RP1L1: variants seen among roughly 807,000 people sequenced by gnomAD.
RP1L1 encodes the protein RP1 like 1.
RP1L1 carries 27 observed loss-of-function variants against 15.7 expected under a neutral mutation model. The ratio of observed to expected loss-of-function variants is 1.72; its 90% CI spans 1.27 to 2.38. The LOEUF (loss-of-function observed/expected upper bound fraction) is 2.38. RP1L1 is among the 30% of genes most tolerant of loss of function. The probability of loss-of-function intolerance (pLI) is 0.00; values close to 1 mark genes in which losing one functional copy is unlikely to be tolerated. For synonymous variants in RP1L1, 1,813 were observed against 1,276.7 expected (o/e 1.42, Z -8.96); for missense variants, 4,798 against 3,075.9 (o/e 1.56, Z -13.24).
chr8:10,612,997 A>AAGGG lies in RP1L1; in HGVS notation c.1100_1101insCCCT (p.Val368ProfsTer40). 6.2e-7 allele frequency: 1 copy of AAGGG among 1,613,160 alleles called. No homozygotes were observed. Among genetic ancestry groups the AAGGG allele is most frequent in the African/African-American group, 1.3e-5 (1 of 75,024 alleles). On this transcript the variant is annotated frameshift_variant, in exon 4 of 4. Coordinates refer to ENST00000382483, the MANE Select transcript of RP1L1 (RefSeq NM_178857.6). LOFTEE classifies it low-confidence loss of function (END_TRUNC). ...AGCCCCAAGGGTAGCCCTCCCACAC[A>AAGGG]CAGCAGAGGGGGTCTACCTCCCCCA...
At chr8:10,631,407 GCACACA>G (rs1263150417) in intron 1 of RP1L1, among the ~76,000 whole-genome samples, 3 of 121,026 alleles carry the variant, frequency 2.5e-5, no homozygotes, top group African/African-American at 6.1e-5. Context: ...GCACACACAC[GCACACA>G]CGCACACACA....
Position 10,610,104 on chromosome 8 carries a change from G to C in RP1L1, c.3994C>G (p.Gln1332Glu). ...LEETKTEEGL[Q>E]EEGVQLEETK... The stretch of plus-strand genomic sequence containing the variant: ...TCCTCTAACTGCACCCCCTCTTCTT[G>C]CAGCCCTTCTTCTGTTTTAGTTTCC... Residue 1332 changes from glutamine (Q) to glutamate (E), a missense_variant, in exon 4 of 4, where the codon CAA becomes GAA. Gln to Glu is a conservative substitution (Grantham distance 29, BLOSUM62 2). Transcript: ENST00000382483. The C allele has an allele frequency of 2.4e-5, 36 of 1,475,126 alleles. 5 individuals are homozygous for C. The highest frequency in any genetic ancestry group is 1.8e-4 in the Middle Eastern group (1 of 5,624). 91.4% of individuals were successfully genotyped at this position (1,475,126 alleles called of 1,614,324 possible).
At chr8:10,646,760 C>A (rs1396771155) in intron 1 of RP1L1, among the ~76,000 whole-genome samples, 1 of 152,190 alleles carries the variant, frequency 6.6e-6, no homozygotes, top group East Asian at 1.9e-4. Context: ...TGACTTTAGG[C>A]CACTGACTTA....
intron 1 of RP1L1, among the ~76,000 whole-genome samples, chr8:10,644,677 C>T (rs1180589958): frequency 3.3e-5 from 5 of 152,210 alleles, no homozygotes; most frequent in Non-Finnish European, 5.9e-5. Context: ...CTTTCCCTGA[C>T]GATGCTGTGA....
intron 1 of RP1L1, among the ~76,000 whole-genome samples, chr8:10,640,662 A>G (rs1055056442): frequency 1.3e-5 from 2 of 150,878 alleles, no homozygotes; most frequent in Admixed American, 6.6e-5. Flanking sequence ...CAAAATAATA[A>G]TAATAATTAT....
rs1380730524 is a variant in RP1L1 at position 10,612,200 on chromosome 8, G to A, written c.1898C>T (p.Ser633Leu). The change falls in exon 4 of 4, where the codon TCA (serine) becomes TTA (leucine). Residue 633 changes from serine to leucine, a missense_variant. Physicochemically the swap from Ser to Leu is moderately radical, Grantham distance 145. Coordinates refer to ENST00000382483, the MANE Select transcript of RP1L1 (RefSeq NM_178857.6). ...GTGCCTTCTCTGCCCCTGCTGGGATGAAGTGCAGGTGGAAGGGGTGGAAGA... is the reference window on the plus strand; with the variant it reads ...GTGCCTTCTCTGCCCCTGCTGGGATAAAGTGCAGGTGGAAGGGGTGGAAGA... ...GASSTPSTCT[S>L]SQQGQRRHRS... 2 of 1,613,238 alleles carry A rather than the reference G, an allele frequency of 1.2e-6. No homozygotes were observed. Among genetic ancestry groups the A allele is most frequent in the Non-Finnish European group, 1.7e-6 (2 of 1,180,020 alleles).
At position 10,623,097 on chromosome 8, in the gene RP1L1, C is replaced by T; in HGVS notation, c.105G>A (p.Lys35=). ...GATCCCCTCGCTTGAGGAAGGTGAT[C>T]TTCTTGGCTGGCGTGACCTTGGTGA... is the stretch of plus-strand genomic sequence containing the variant. ...PSVTKVTPAK[K]ITFLKRGDPR... is the part of the protein sequence containing the mutation. Residue 35 remains lysine (K), a synonymous_variant, in exon 2 of 4, where the codon AAG becomes AAA. Coordinates refer to ENST00000382483, the MANE Select transcript of RP1L1 (RefSeq NM_178857.6). The T allele has an allele frequency of 1.2e-6, 2 of 1,613,860 alleles. No individual in the cohort carries two copies. Among genetic ancestry groups the T allele is most frequent in the Non-Finnish European group, 1.7e-6 (2 of 1,179,914 alleles).
At position 10,606,958 on chromosome 8, in the gene RP1L1, A is replaced by G; in HGVS notation, c.7140T>C (p.Ser2380=). The G allele has an allele frequency of 6.2e-7, 1 of 1,614,180 alleles. No homozygotes were observed. Among genetic ancestry groups the G allele is most frequent in the Non-Finnish European group, 8.5e-7 (1 of 1,180,044 alleles). ...YDLQEDQALG[S]LAPTEAVGRA... ...TGCCCACTGCCTCAGTGGGGGCGAG[A>G]CTTCCGAGTGCCTGGTCCTCTTGTA... is the stretch of plus-strand genomic sequence containing the variant. Residue 2380 remains serine, a synonymous_variant, in exon 4 of 4, where the codon AGT becomes AGC. Transcript: ENST00000382483.
intron 1 of RP1L1, among the ~76,000 whole-genome samples, chr8:10,631,688 C>T (rs1798254951): frequency 6.6e-6 from 1 of 152,180 alleles, no homozygotes; most frequent in South Asian, 2.1e-4. Flanking sequence ...CTGGAGCTGG[C>T]TCTCAGACCG....
intron 1 of RP1L1, among the ~76,000 whole-genome samples, chr8:10,645,157 T>A (rs942116688): frequency 4.0e-5 from 6 of 151,886 alleles, no homozygotes; most frequent in Admixed American, 3.3e-4. Context: ...CCAGATCCCA[T>A]CTCTACAAAA....
chr8:10,628,659 A>C (rs1485003326), intron 1 of RP1L1, among the ~76,000 whole-genome samples: 3 of 152,216 alleles, frequency 2.0e-5, no homozygotes. Context: ...TCCTGAATAT[A>C]GACTTTCTTG....
rs762027177 is a variant in RP1L1, at chr8:10,610,906, G to T, written c.3192C>A (p.Ala1064=). Residue 1064 remains alanine (A), a synonymous_variant, in exon 4 of 4, where the codon GCC becomes GCA. Coordinates refer to ENST00000382483, the MANE Select transcript of RP1L1 (RefSeq NM_178857.6). The part of the protein sequence containing the change: ...APAEAGADRE[A]PAGCRVSLRA... ...GCAGGCTCACCCTGCAGCCTGCTGG[G>T]GCCTCTCTGTCTGCTCCGGCCTCTG... is the stretch of plus-strand genomic sequence containing the variant. The T allele has an allele frequency of 3.7e-6, 6 of 1,610,996 alleles. No individual in the cohort carries two copies. Among genetic ancestry groups the T allele is most frequent in the Middle Eastern group, 1.7e-4 (1 of 6,042 alleles).
rs1169131688 is a variant in RP1L1 at position 10,610,833 on chromosome 8, G to A, written c.3265C>T (p.Leu1089=). 2 of 1,607,758 alleles carry A rather than the reference G, an allele frequency of 1.2e-6. No individual in the cohort carries two copies. Among genetic ancestry groups the A allele is most frequent in the East Asian group, 2.2e-5 (1 of 44,726 alleles). Residue 1089 remains leucine (L), a synonymous_variant, in exon 4 of 4, where the codon CTG becomes TTG. Coordinates refer to ENST00000382483, the MANE Select transcript of RP1L1 (RefSeq NM_178857.6). The part of the protein sequence containing the change: ...VSASTQIMRA[L]MGSKQGRPSS... Reference sequence around the variant, plus strand: ...GGCCGGCCCTGCTTGGAGCCCATCAGCGCCCTCATGATCTGCGTGGAGGCA... The same window carrying A: ...GGCCGGCCCTGCTTGGAGCCCATCAACGCCCTCATGATCTGCGTGGAGGCA...
chr8:10,630,232 C>A (rs970753163), intron 1 of RP1L1, among the ~76,000 whole-genome samples: 1 of 152,210 alleles, frequency 6.6e-6, no homozygotes, highest in Non-Finnish European at 1.5e-5. Context: ...CAGTCCCTGA[C>A]CTTTCTTCTC....
chr8:10,619,925 C>A (rs190046117), intron 2 of RP1L1, among the ~76,000 whole-genome samples: 7 of 142,836 alleles, frequency 4.9e-5, no homozygotes, highest in African/African-American at 1.8e-4. Flanking sequence ...CATGCCACTG[C>A]GCTCCACCAT....
chr8:10,615,353 CTG>C (rs1167085348), intron 3 of RP1L1, among the ~76,000 whole-genome samples: 1 of 152,218 alleles, frequency 6.6e-6, no homozygotes, highest in Non-Finnish European at 1.5e-5. Flanking sequence ...ATAGTCCAGA[CTG>C]TGGCTCTTTG....
chr8:10,637,560 A>T (rs942445025), intron 1 of RP1L1, among the ~76,000 whole-genome samples: 2 of 152,210 alleles, frequency 1.3e-5, no homozygotes, highest in African/African-American at 2.4e-5. Flanking sequence ...AGCCTGGGCA[A>T]CAGAGTGAGA....
chr8:10,650,525 G>T (rs1798543173), intron 1 of RP1L1, among the ~76,000 whole-genome samples: 1 of 151,880 alleles, frequency 6.6e-6, no homozygotes, highest in South Asian at 2.1e-4. Context: ...GAGGCTCAGG[G>T]AAGTCATAAG....
In RP1L1 at chr8:10,609,974, T is replaced by C. The variant is rs1351139287; in HGVS notation, c.4124A>G (p.Glu1375Gly). ...EGLQEEGVQLEEVKEGPEGGL... is the reference protein window; with the variant it reads ...EGLQEEGVQLGEVKEGPEGGL... ...TCCTTCTGGCCCTTCTTTAACTTCC[T>C]CTAACTGCACCCCCTCTTCTTGCAG... The change falls in exon 4 of 4, where the codon GAG (glutamate) becomes GGG (glycine). Residue 1375 changes from glutamate to glycine, a missense_variant. Transcript: ENST00000382483. The C allele has an allele frequency of 1.2e-5, 19 of 1,613,756 alleles. No individual in the cohort carries two copies. Among genetic ancestry groups the C allele is most frequent in the Non-Finnish European group, 1.4e-5 (16 of 1,179,904 alleles).
Sources: allele counts gnomAD v4.1 joint callset (sites outside exome capture counted in the v4.1 genomes callset), GRCh38; gene constraint gnomAD v4.1.1; transcripts MANE v1.5; gene names NCBI Gene and HGNC (gene_info 2026-07-23, HGNC 2026-07-21).